Variants in CCDC144A observed in about 807,000 individuals in gnomAD.
CCDC144A encodes the protein coiled-coil domain-containing protein 144A.
In CCDC144A, 41 loss-of-function variants were observed where a neutral mutation model predicts 143.8. That is an observed-to-expected ratio of 0.29 (90% CI 0.22 to 0.37). CCDC144A has a LOEUF of 0.37. CCDC144A is among the 10% of genes least tolerant of loss of function. CCDC144A has a pLI of 1.00. For missense variants in CCDC144A, 637 were observed against 1,488.8 expected, an observed-to-expected ratio of 0.43 and a Z score of 9.41; for synonymous variants, 242 against 517.9, an observed-to-expected ratio of 0.47 and a Z score of 7.23.
intron 2 of CCDC144A, among the ~76,000 whole-genome samples, chr17:16,693,517 G>C (rs367809362): frequency 1.3e-5 from 2 of 151,976 alleles, no homozygotes; most frequent in African/African-American, 4.8e-5. Flanking sequence ...GGGTTTCACC[G>C]TGTTAGCCAG....
chr17:16,689,111 G>A (rs1340650202), upstream of CCDC144A, among the ~76,000 whole-genome samples: 2 of 152,094 alleles, frequency 1.3e-5, no homozygotes, highest in Non-Finnish European at 2.9e-5. Flanking sequence ...GTGCTCTCTA[G>A]ATTCTCCTTT....
chr17:16,682,202 G>GGTGTGTGTGTGTGT, the CCDC144A span, among the ~76,000 whole-genome samples: 1 of 145,230 alleles, frequency 6.9e-6, no homozygotes, highest in African/African-American at 2.5e-5. Flanking sequence ...TCTGAAAATG[G>GGTGTGTGTGTGTGT]GTGTGTGTGT....
rs1172745022 is a variant in CCDC144A, at chr17:16,701,872, C to T, written c.416-3279C>T. 1.4e-4 allele frequency among the ~76,000 whole-genome samples: 21 copies of T among 149,046 alleles called. 1 individual carries two copies. In the Admixed American group the frequency reaches 1.4e-3, roughly 10 times the overall value. ...TCTAGGAGATGGGTCCAGATAGACT[C>T]TAGCGATGGGACGGGATAATCTCAG... On this transcript the variant is annotated intron_variant, in intron 2 of 16. Transcript: ENST00000399273.
intron 8 of CCDC144A, among the ~76,000 whole-genome samples, chr17:16,725,494 G>A (rs1460012572): frequency 5.3e-5 from 8 of 150,798 alleles, no homozygotes; most frequent in Admixed American, 3.3e-4. Context: ...AAATATTATG[G>A]CATATCATAT....
chr17:16,698,575 A>T, intron 2 of CCDC144A, among the ~76,000 whole-genome samples: 1 of 152,134 alleles, frequency 6.6e-6, no homozygotes, highest in East Asian at 1.9e-4. Context: ...AGAATTGTCT[A>T]AACCTAAGGT....
At chr17:16,718,483 G>T (rs1248720935) in intron 6 of CCDC144A, among the ~76,000 whole-genome samples, 1 of 152,178 alleles carries the variant, frequency 6.6e-6, no homozygotes, top group East Asian at 1.9e-4. Flanking sequence ...TGTCCTTAAA[G>T]TGTTTATTCA....
chr17:16,726,254 G>A (rs1488014560), intron 8 of CCDC144A, among the ~76,000 whole-genome samples: 2 of 151,268 alleles, frequency 1.3e-5, no homozygotes, highest in Non-Finnish European at 2.9e-5. Context: ...GGTGGCAGGC[G>A]CCTGTAGTCC....
chr17:16,698,779 C>T (rs1022662346), intron 2 of CCDC144A, among the ~76,000 whole-genome samples: 2 of 152,190 alleles, frequency 1.3e-5, no homozygotes, highest in Non-Finnish European at 2.9e-5. Context: ...TGTTGTGACA[C>T]AATTTCAGGT....
chr17:16,770,121 T>C (rs3874848), intron 15 of CCDC144A, among the ~76,000 whole-genome samples: 23,657 of 148,550 alleles, frequency 0.16, 2,206 homozygotes, highest in African/African-American at 0.35. Flanking sequence ...CCACCACACC[T>C]GGACTGTCTG....
chr17:16,710,971 A>G (rs1912371755), intron 5 of CCDC144A, among the ~76,000 whole-genome samples: 1 of 146,124 alleles, frequency 6.8e-6, no homozygotes, highest in African/African-American at 2.7e-5. Context: ...CTTATACTGT[A>G]TATCCTCCAG....
At position 16,736,235 on chromosome 17, in the gene CCDC144A, CTT is replaced by C. The variant is rs71214289; in HGVS notation, c.3372+612_3372+613del. ...CCTCTCAATTCTTTAAAGGCATTTACTTTTTTTTTTTTTTTTTTTTTGAGATG... is the reference window on the plus strand; with the variant it reads ...CCTCTCAATTCTTTAAAGGCATTTACTTTTTTTTTTTTTTTTTTTGAGATG... On this transcript the variant is annotated intron_variant, in intron 12 of 16. Transcript: ENST00000399273. Among the ~76,000 whole-genome samples the C allele has an allele frequency of 8.8e-3, 865 of 98,140 alleles. 9 individuals are homozygous for C. Among genetic ancestry groups the C allele is most frequent in the African/African-American group, 0.031 (813 of 25,978 alleles). The allele number at this position is 98,140 out of a possible 152,430, so 64.4% of individuals were successfully genotyped here.
chr17:16,753,389 G>C (rs1328150133), intron 12 of CCDC144A, among the ~76,000 whole-genome samples: 2 of 113,922 alleles, frequency 1.8e-5, no homozygotes, highest in Middle Eastern at 6.9e-3. Flanking sequence ...TATCTTCCAT[G>C]TTTGTGTCCT....
intron 12 of CCDC144A, among the ~76,000 whole-genome samples, chr17:16,753,432 T>G (rs1314725078): frequency 7.3e-5 from 9 of 122,910 alleles, no homozygotes; most frequent in East Asian, 4.8e-4. Flanking sequence ...TTTGTAGTTT[T>G]TTTTTTTTTT....
At chr17:16,737,442 A>T in intron 12 of CCDC144A, 1 of 1,223,414 alleles carries the variant, frequency 8.2e-7, no homozygotes, top group South Asian at 1.5e-5. Context: ...CTGGGATTAC[A>T]GGCGTGAGCC....
the CCDC144A span, among the ~76,000 whole-genome samples, chr17:16,677,866 A>G: frequency 1.3e-5 from 2 of 152,020 alleles, no homozygotes; most frequent in Admixed American, 1.3e-4. Flanking sequence ...TGCAAACATC[A>G]GTGTCATGAC....
intron 8 of CCDC144A, among the ~76,000 whole-genome samples, chr17:16,726,092 C>G (rs1255699617): frequency 6.6e-6 from 1 of 152,068 alleles, no homozygotes; most frequent in East Asian, 1.9e-4. Flanking sequence ...AAAGAAAAAT[C>G]TTCCGGCCGG....
upstream of CCDC144A, among the ~76,000 whole-genome samples, chr17:16,685,794 G>T (rs559563655): frequency 1.3e-5 from 2 of 151,300 alleles, no homozygotes; most frequent in African/African-American, 4.9e-5. Context: ...ATTTTGAGAC[G>T]GAGTTTCATT....
intron 15 of CCDC144A, among the ~76,000 whole-genome samples, chr17:16,771,034 A>G (rs1035761113): frequency 1.3e-5 from 2 of 152,254 alleles, no homozygotes; most frequent in Admixed American, 1.3e-4. Flanking sequence ...TAAAGGCATT[A>G]GATATCATTA....
intron 12 of CCDC144A, chr17:16,746,818 G>A (rs1914549197): frequency 1.6e-6 from 2 of 1,261,370 alleles, no homozygotes; most frequent in Non-Finnish European, 1.1e-6. Flanking sequence ...GAGCTCAAAA[G>A]GCACCGCGTA....
Sources: gnomAD v4.1 joint callset for allele counts (sites outside exome capture counted in the v4.1 genomes callset) on GRCh38, gnomAD v4.1.1 for gene constraint, MANE v1.5 for transcripts, NCBI Gene and HGNC (gene_info 2026-07-23, HGNC 2026-07-21) for gene names.